Variants in MYL1 observed in about 807,000 individuals in gnomAD.
MYL1 encodes the protein myosin light chain 1, also known as myosin light chain 1/3, skeletal muscle isoform.
MYL1 carries 16 observed loss-of-function variants against 21.8 expected under a neutral mutation model. That is an observed-to-expected ratio of 0.74 (90% confidence interval 0.50 to 1.12). The LOEUF (loss-of-function observed/expected upper bound fraction) is 1.12, where lower values mean the gene tolerates loss of function less well. Ranked by LOEUF, MYL1 falls within the 50% of genes most tolerant of loss-of-function variation. The pLI is 0.00. For synonymous variants in MYL1, 99 were observed against 85.2 expected (o/e 1.16, Z -0.89); for missense variants, 246 against 241.0 (o/e 1.02, Z -0.14).
intron 3 of MYL1, among the ~76,000 whole-genome samples, chr2:210,296,249 T>G (rs988467798): frequency 6.6e-6 from 1 of 152,194 alleles, no homozygotes; most frequent in Non-Finnish European, 1.5e-5. Flanking sequence ...TAAGGATAAA[T>G]AGCATACTGA....
chr2:210,314,415 C>CA (rs1456849836), intron 1 of MYL1, among the ~76,000 whole-genome samples: 2 of 151,982 alleles, frequency 1.3e-5, no homozygotes, highest in African/African-American at 2.4e-5. Flanking sequence ...ACTTGAATTG[C>CA]AAAAAATCTT....
intron 1 of MYL1, among the ~76,000 whole-genome samples, 172 bp downstream of exon 1, chr2:210,314,738 TG>T (rs1193605287): frequency 5.9e-5 from 9 of 152,256 alleles, no homozygotes; most frequent in Admixed American, 5.9e-4. Flanking sequence ...TAATAATTTT[TG>T]AAATTATATG....
At chr2:210,308,814 C>T (rs1301332153) in intron 1 of MYL1, among the ~76,000 whole-genome samples, 1 of 151,792 alleles carries the variant, frequency 6.6e-6, no homozygotes, top group African/African-American at 2.4e-5. Context: ...ACTTTTGTCT[C>T]CTTTGTGCAT....
intron 1 of MYL1, among the ~76,000 whole-genome samples, chr2:210,313,502 A>T (rs972432598): frequency 6.6e-6 from 1 of 152,038 alleles, no homozygotes; most frequent in Non-Finnish European, 1.5e-5. Context: ...AACTGTATGC[A>T]TGCAGTCCTC....
intron 1 of MYL1, among the ~76,000 whole-genome samples, chr2:210,306,625 ATAGTC>A (rs1690345033): frequency 6.6e-6 from 1 of 152,126 alleles, no homozygotes; most frequent in African/African-American, 2.4e-5. Flanking sequence ...AGGCTACAGT[ATAGTC>A]TAGAGAAAAA....
In MYL1 at chr2:210,302,650, C is replaced by G. The variant is rs150405381; in HGVS notation, c.133-135G>C. On this transcript the variant is annotated intron_variant, in intron 1 of 6. Coordinates refer to ENST00000352451, the MANE Select transcript of MYL1 (RefSeq NM_079420.3). ...GTCAGCCTACTTTTCAGAGTTCAGG[C>G]GTAGCTTGGACACTAACAGGTTAAG... 1,289 of 1,490,184 alleles carry G rather than the reference C, an allele frequency of 8.6e-4. 14 individuals are homozygous for G. The African/African-American group carries it at 0.015, about 17-fold the overall frequency. The allele number at this position is 1,490,184 out of a possible 1,614,324, so 92.3% of individuals were successfully genotyped here. A position where few individuals can be genotyped will look rare whatever the true frequency, so the allele number is the denominator to read the frequency against.
At chr2:210,291,158 T>G in intron 5 of MYL1, 84 bp from the exon 6 acceptor site, 1 of 1,066,334 alleles carries the variant, frequency 9.4e-7, no homozygotes, top group Non-Finnish European at 1.4e-6. Flanking sequence ...ATGAGTTAGC[T>G]CAATCCTATT....
chr2:210,314,107 A>G (rs577538230), intron 1 of MYL1, among the ~76,000 whole-genome samples: 9 of 152,286 alleles, frequency 5.9e-5, no homozygotes, highest in Non-Finnish European at 2.9e-5. Flanking sequence ...TCTTTTGGCA[A>G]TTGAGAACTT....
At chr2:210,304,692 G>T (rs374214925) in intron 1 of MYL1, among the ~76,000 whole-genome samples, 6 of 152,198 alleles carry the variant, frequency 3.9e-5, no homozygotes, top group South Asian at 2.1e-4. Flanking sequence ...GCAGGCATGT[G>T]CCACTGCACC....
intron 1 of MYL1, 124 bp from the exon 2 acceptor site, chr2:210,302,639 C>G: frequency 6.7e-7 from 1 of 1,487,244 alleles, no homozygotes; most frequent in Admixed American, 2.1e-5. Flanking sequence ...GCCTACTTTT[C>G]AGAGTTCAGG....
intron 1 of MYL1, among the ~76,000 whole-genome samples, chr2:210,312,315 T>C (rs1690428633): frequency 6.6e-6 from 1 of 151,954 alleles, no homozygotes; most frequent in Admixed American, 6.6e-5. Context: ...TATAATCCAA[T>C]TAAGTTTTGT....
At chr2:210,303,946 C>G (rs1227469954) in intron 1 of MYL1, among the ~76,000 whole-genome samples, 1 of 152,138 alleles carries the variant, frequency 6.6e-6, no homozygotes. Context: ...AGACCCTTCT[C>G]TTGATGACAG....
chr2:210,312,419 C>T (rs948481242), intron 1 of MYL1, among the ~76,000 whole-genome samples: 3 of 151,510 alleles, frequency 2.0e-5, no homozygotes, highest in Non-Finnish European at 4.4e-5. Context: ...AATTGTATAG[C>T]TTTTATGAGG....
chr2:210,294,659 C>A (rs956219290), intron 3 of MYL1, among the ~76,000 whole-genome samples: 1 of 152,054 alleles, frequency 6.6e-6, no homozygotes, highest in East Asian at 1.9e-4. Flanking sequence ...CTCTAGTTAA[C>A]CTTTTTGTGC....
intron 1 of MYL1, among the ~76,000 whole-genome samples, chr2:210,310,547 T>A (rs1690403759): frequency 6.6e-6 from 1 of 152,098 alleles, no homozygotes; most frequent in Non-Finnish European, 1.5e-5. Flanking sequence ...TCTAATAGCA[T>A]TTGAAAAATA....
chr2:210,302,483 C>G lies in MYL1; in HGVS notation c.160+5G>C. 1.2e-6 allele frequency: 2 copies of G among 1,608,360 alleles called. No homozygotes were observed. Among genetic ancestry groups the G allele is most frequent in the South Asian group, 2.2e-5 (2 of 89,836 alleles). On this transcript the variant is annotated splice_donor_5th_base_variant and intron_variant, in intron 2 of 6. Coordinates refer to ENST00000352451, the MANE Select transcript of MYL1 (RefSeq NM_079420.3). ...ACATTTAAGAACCATAGCTTTTAAA[C>G]TTACCATCCTGCTGTTCCTTAGAGA...
At chr2:210,301,229 C>G (rs143348955) in intron 2 of MYL1, among the ~76,000 whole-genome samples, 13 of 152,130 alleles carry the variant, frequency 8.5e-5, no homozygotes, top group Non-Finnish European at 1.6e-4. Context: ...GTAGAATCAC[C>G]AACTGTTTTC....
At chr2:210,303,088 G>A (rs1444019046) in intron 1 of MYL1, 2 of 427,074 alleles carry the variant, frequency 4.7e-6, no homozygotes, top group Non-Finnish European at 8.3e-6. Flanking sequence ...CGGTGTTAAA[G>A]TACAGATATA....
At chr2:210,313,509 C>T (rs930959103) in intron 1 of MYL1, among the ~76,000 whole-genome samples, 1 of 151,916 alleles carries the variant, frequency 6.6e-6, no homozygotes, top group African/African-American at 2.4e-5. Flanking sequence ...TGCATGCAGT[C>T]CTCAAGTTAG....
Sources: gnomAD v4.1 joint callset for allele counts (sites outside exome capture counted in the v4.1 genomes callset) on GRCh38, gnomAD v4.1.1 for gene constraint, MANE v1.5 for transcripts, NCBI Gene and HGNC (gene_info 2026-07-23, HGNC 2026-07-21) for gene names.